Variants in ABHD12B observed in about 807,000 individuals in gnomAD.
ABHD12B encodes the protein protein ABHD12B.
In ABHD12B, 42 loss-of-function variants were observed where a neutral mutation model predicts 50.4. The ratio of observed to expected loss-of-function variants is 0.83; its 90% CI spans 0.65 to 1.08. The LOEUF is 1.08. Among genes scored for constraint, ABHD12B ranks in the 50% least tolerant of loss-of-function variants. The probability of loss-of-function intolerance (pLI) is 0.00; values close to 1 mark genes in which losing one functional copy is unlikely to be tolerated. For missense variants in ABHD12B, 479 were observed against 447.7 expected (o/e 1.07, Z -0.63); for synonymous variants, 167 against 160.3 (o/e 1.04, Z -0.32).
chr14:50,881,027 C>G (rs140540525), intron 4 of ABHD12B, among the ~76,000 whole-genome samples: 1 of 152,148 alleles, frequency 6.6e-6, no homozygotes, highest in Non-Finnish European at 1.5e-5. Context: ...AGAGGTCACA[C>G]GGAATTCTGA....
At position 50,885,804 on chromosome 14, in the gene ABHD12B, C is replaced by A; in HGVS notation, c.571C>A (p.Leu191Met). 2 of 1,614,172 alleles carry A rather than the reference C, an allele frequency of 1.2e-6. No homozygotes were observed. Among genetic ancestry groups the A allele is most frequent in the Non-Finnish European group, 8.5e-7 (1 of 1,180,038 alleles). The change falls in exon 7 of 13, where the codon CTG (leucine) becomes ATG (methionine). Residue 191 changes from leucine (L) to methionine (M), a missense_variant. Physicochemically the swap from Leu to Met is conservative, Grantham distance 15. Transcript: ENST00000337334. ...TACAGGTAAGCCCACAGAGGAGGGA[C>A]TGACTACGGATGCCATTTGTGTCTA... ...DSTGKPTEEG[L>M]TTDAICVYEW...
chr14:50,889,073 G>A (rs2050082031), intron 9 of ABHD12B, among the ~76,000 whole-genome samples, 170 bp downstream of exon 9: 1 of 152,144 alleles, frequency 6.6e-6, no homozygotes, highest in Admixed American at 6.5e-5. Flanking sequence ...CCACAAAAGG[G>A]AACCCATGGC....
chr14:50,891,905 A>G (rs1423963094), intron 9 of ABHD12B: 1 of 152,168 alleles, frequency 6.6e-6, no homozygotes, highest in East Asian at 1.9e-4. Flanking sequence ...ATCTTAATAT[A>G]CTATGGTCTT....
chr14:50,873,931 T>C (rs2049822867), intron 1 of ABHD12B, among the ~76,000 whole-genome samples: 1 of 152,242 alleles, frequency 6.6e-6, no homozygotes, highest in Admixed American at 6.5e-5. Flanking sequence ...AGACACTTCC[T>C]GAAAGAACAA....
chr14:50,879,608 A>T (rs941509932), intron 3 of ABHD12B, among the ~76,000 whole-genome samples: 1 of 152,206 alleles, frequency 6.6e-6, no homozygotes, highest in Non-Finnish European at 1.5e-5. Context: ...CCTGAGTTCA[A>T]ACCTTTGATC....
chr14:50,878,802 T>A lies in ABHD12B; in HGVS notation c.290T>A (p.Val97Glu), dbSNP rs772850128. The change falls in exon 3 of 13, where the codon GTG (valine) becomes GAG (glutamate). Residue 97 changes from valine to glutamate, a missense_variant. Coordinates refer to ENST00000337334, the MANE Select transcript of ABHD12B (RefSeq NM_001206673.2). Reference protein sequence around the residue: ...KKPELKIPHTVNFYLRVEPGV... With the variant: ...KKPELKIPHTENFYLRVEPGV... ...CCAGAGTTAAAGATTCCTCACACAG[T>A]GAACTTCTACCTGAGAGTTGAACCT... The A allele has an allele frequency of 6.2e-7, 1 of 1,614,040 alleles. No homozygotes were observed. Among genetic ancestry groups the A allele is most frequent in the Middle Eastern group, 1.6e-4 (1 of 6,062 alleles).
intron 11 of ABHD12B, among the ~76,000 whole-genome samples, chr14:50,903,694 G>T (rs1219673813): frequency 6.6e-6 from 1 of 152,170 alleles, no homozygotes; most frequent in Non-Finnish European, 1.5e-5. Context: ...TGGATTGTGT[G>T]GAGCTGCAAG....
intron 9 of ABHD12B, among the ~76,000 whole-genome samples, chr14:50,896,105 T>G (rs2050195474): frequency 6.6e-6 from 1 of 152,074 alleles, no homozygotes; most frequent in South Asian, 2.1e-4. Flanking sequence ...TGGTGACCGA[T>G]CATGCACCCC....
In ABHD12B at chr14:50,901,929, A is replaced by G. The variant is rs2050264735; in HGVS notation, c.863+18A>G. The G allele has an allele frequency of 6.5e-7, 1 of 1,534,952 alleles. No individual in the cohort carries two copies. Among genetic ancestry groups the G allele is most frequent in the African/African-American group, 1.4e-5 (1 of 72,478 alleles). On this transcript the variant is annotated intron_variant, in intron 10 of 12. Coordinates refer to ENST00000337334, the MANE Select transcript of ABHD12B (RefSeq NM_001206673.2). ...GATGAAAAGTAAGTTAATGATGAAA[A>G]GACATGCATTATTACTGTATCTAAA...
rs1026857347 is a variant in ABHD12B at position 50,904,095 on chromosome 14, G to A, written c.964G>A (p.Ala322Thr). Residue 322 changes from alanine to threonine, a missense_variant, in exon 12 of 13, where the codon GCA becomes ACA. Ala to Thr is a moderately conservative substitution (Grantham distance 58). Transcript: ENST00000337334. ...GKKLYEIARN[A>T]YRNKERVKMV... ...GCAGCTCTATGAAATTGCACGCAAT[G>A]CATACAGGAACAAAGAGAGGGTCAA... 2 of 1,613,908 alleles carry A rather than the reference G, an allele frequency of 1.2e-6. No individual in the cohort carries two copies. Among genetic ancestry groups the A allele is most frequent in the Non-Finnish European group, 8.5e-7 (1 of 1,179,876 alleles).
At chr14:50,892,674 C>T in intron 9 of ABHD12B, 7 of 816,150 alleles carry the variant, frequency 8.6e-6, no homozygotes, top group Non-Finnish European at 1.0e-5. Context: ...TATTCCCTTT[C>T]TCATATGTTC....
chr14:50,896,277 A>C (rs1372232187), intron 9 of ABHD12B, among the ~76,000 whole-genome samples: 1 of 152,126 alleles, frequency 6.6e-6, no homozygotes, highest in African/African-American at 2.4e-5. Flanking sequence ...TTTACCTGTC[A>C]GCCCTGAGAA....
rs549205966 is a variant in ABHD12B at position 50,892,651 on chromosome 14, G to T, written c.780+3748G>T. On this transcript the variant is annotated intron_variant, in intron 9 of 12. Coordinates refer to ENST00000337334, the MANE Select transcript of ABHD12B (RefSeq NM_001206673.2). ...ATGGTTTCTATATTTTTAATTTCTG[G>T]TTTTACCTGTATTATTCCCTTTCTC... is the stretch of plus-strand genomic sequence containing the variant. The T allele has an allele frequency of 1.3e-3, 1,214 of 942,086 alleles. 1 individual carries two copies. Among genetic ancestry groups the T allele is most frequent in the Non-Finnish European group, 1.5e-3 (1,147 of 790,860 alleles). The allele number at this position is 942,086 out of a possible 1,614,324, so 58.4% of individuals were successfully genotyped here. A position where few individuals can be genotyped will look rare whatever the true frequency, so the allele number is the denominator to read the frequency against.
intron 9 of ABHD12B, among the ~76,000 whole-genome samples, chr14:50,899,849 G>A (rs577707990): frequency 1.1e-4 from 17 of 151,750 alleles, no homozygotes; most frequent in Admixed American, 1.3e-4. Flanking sequence ...TTGAACCCAG[G>A]AGGCAGACGT....
intron 9 of ABHD12B, among the ~76,000 whole-genome samples, chr14:50,898,920 C>T (rs978218126): frequency 6.6e-6 from 1 of 152,082 alleles, no homozygotes; most frequent in African/African-American, 2.4e-5. Context: ...CAGCTGGGCA[C>T]GGTGGCTGGC....
rs555993619 is a variant in ABHD12B at position 50,892,555 on chromosome 14, C to T, written c.780+3652C>T. On this transcript the variant is annotated intron_variant, in intron 9 of 12. Coordinates refer to ENST00000337334, the MANE Select transcript of ABHD12B (RefSeq NM_001206673.2). ...TAAGAATAAGGAGAAGCAGCCAACA[C>T]TCACAGCAGAAGTTAATTAATTTTG... 143 of 985,448 alleles carry T rather than the reference C, an allele frequency of 1.5e-4. 1 individual carries two copies. In the South Asian group the frequency reaches 5.9e-3, roughly 41 times the overall value. 61.0% of individuals were successfully genotyped at this position (985,448 alleles called of 1,614,324 possible).
At chr14:50,901,672 C>T (rs947563716) in intron 9 of ABHD12B, among the ~76,000 whole-genome samples, 157 bp from the exon 10 acceptor site, 2 of 152,154 alleles carry the variant, frequency 1.3e-5, no homozygotes, top group Non-Finnish European at 2.9e-5. Context: ...AAATTCCCGA[C>T]GTGCATTACT....
chr14:50,886,691 T>C lies in ABHD12B; in HGVS notation c.700+7T>C, dbSNP rs375283388. On this transcript the variant is annotated splice_region_variant and intron_variant, in intron 8 of 12. Coordinates refer to ENST00000337334, the MANE Select transcript of ABHD12B (RefSeq NM_001206673.2). Reference sequence around the variant, plus strand: ...AAAGTGCTAGAAGAAAAAGGTAATATAAAATGCTTAAGTGGTATAATTTCC... The same window carrying C: ...AAAGTGCTAGAAGAAAAAGGTAATACAAAATGCTTAAGTGGTATAATTTCC... 6.2e-7 allele frequency: 1 copy of C among 1,605,288 alleles called. No individual in the cohort carries two copies. Among genetic ancestry groups the C allele is most frequent in the Non-Finnish European group, 8.5e-7 (1 of 1,174,854 alleles).
At chr14:50,881,011 C>T (rs2049935152) in intron 4 of ABHD12B, among the ~76,000 whole-genome samples, 1 of 152,146 alleles carries the variant, frequency 6.6e-6, no homozygotes, top group African/African-American at 2.4e-5. Context: ...AATATGACTC[C>T]TTAAGAGAGG....
Sources: gnomAD v4.1 joint callset for allele counts (sites outside exome capture counted in the v4.1 genomes callset) on GRCh38, gnomAD v4.1.1 for gene constraint, MANE v1.5 for transcripts, NCBI Gene and HGNC (gene_info 2026-07-23, HGNC 2026-07-21) for gene names.